Variants in MS4A1 observed in about 807,000 individuals in gnomAD.
MS4A1 encodes membrane spanning 4-domains A1.
A neutral mutation model predicts 26.5 loss-of-function variants in MS4A1; 16 were observed. The ratio of observed to expected loss-of-function variants is 0.60; its 90% confidence interval spans 0.41 to 0.92. The LOEUF (loss-of-function observed/expected upper bound fraction) is 0.92, where lower values mean the gene tolerates loss of function less well. Ranked by LOEUF, MS4A1 falls within the 40% of genes least tolerant of loss-of-function variation. The pLI is 0.00. For synonymous variants in MS4A1, 128 were observed against 117.6 expected, an observed-to-expected ratio of 1.09 and a Z score of -0.57; for missense variants, 350 against 353.0, an observed-to-expected ratio of 0.99 and a Z score of 0.07.
Position 60,465,989 on chromosome 11 carries a change from C to T in MS4A1, c.405C>T (p.Ile135=). The part of the protein sequence containing the change: ...FAAISGMILS[I]MDILNIKISH... Reference sequence around the variant, plus strand: ...CCATTTCTGGAATGATTCTTTCAATCATGGACATACTTAATATTAAAATTT... The same window carrying T: ...CCATTTCTGGAATGATTCTTTCAATTATGGACATACTTAATATTAAAATTT... Residue 135 remains isoleucine (I), a synonymous_variant, in exon 6 of 8, where the codon ATC becomes ATT. Transcript: ENST00000345732. 6.2e-7 allele frequency: 1 copy of T among 1,613,868 alleles called. No homozygotes were observed. The highest frequency in any genetic ancestry group is 8.5e-7 in the Non-Finnish European group (1 of 1,179,858).
At position 60,463,031 on chromosome 11, in the gene MS4A1, C is replaced by A; in HGVS notation, c.189C>A (p.His63Gln). Residue 63 changes from histidine (H) to glutamine (Q), a missense_variant, in exon 4 of 8, where the codon CAC (histidine) becomes CAA (glutamine). By Grantham distance (24) the His-to-Gln change is conservative. Transcript: ENST00000345732. ...GAVQIMNGLFHIALGGLLMIP... is the reference protein window; with the variant it reads ...GAVQIMNGLFQIALGGLLMIP... ...TCCAGATTATGAATGGGCTCTTCCA[C>A]ATTGCCCTGGGGGGTCTTCTGATGA... 6.2e-7 allele frequency: 1 copy of A among 1,614,134 alleles called. No homozygotes were observed. Among genetic ancestry groups the A allele is most frequent in the South Asian group, 1.1e-5 (1 of 91,080 alleles).
rs750004365 is a variant in MS4A1, at chr11:60,466,128, T to C, written c.544T>C (p.Tyr182His). Residue 182 changes from tyrosine (Y) to histidine (H), a missense_variant, in exon 6 of 8, where the codon TAC becomes CAC. Tyr to His is a moderately conservative substitution (Grantham distance 83). Transcript: ENST00000345732. ...PSEKNSPSTQ[Y>H]CYSIQSLFLG... The stretch of plus-strand genomic sequence containing the variant: ...TGAGAAAAACTCCCCATCTACCCAA[T>C]ACTGTTACAGCATACAATCTCTGTT... 3 of 1,612,012 alleles carry C rather than the reference T, an allele frequency of 1.9e-6. No homozygotes were observed. Among genetic ancestry groups the C allele is most frequent in the Admixed American group, 1.7e-5 (1 of 60,014 alleles).
At chr11:60,458,316 A>C (rs190716934) in intron 1 of MS4A1, 1 of 152,252 alleles carries the variant, frequency 6.6e-6, no homozygotes, top group Non-Finnish European at 1.5e-5. Flanking sequence ...ACAGTGAGGC[A>C]GTTTTTAAAC....
At chr11:60,462,578 T>G (rs1430207765) in intron 3 of MS4A1, 45 bp downstream of exon 3, 1 of 1,611,358 alleles carries the variant, frequency 6.2e-7, no homozygotes, top group Non-Finnish European at 8.5e-7. Flanking sequence ...ATTCTCTGGC[T>G]GACAGAAGCT....
rs201137473 is a variant in MS4A1, at chr11:60,464,275, C to T, written c.280-13C>T. 1 of 1,562,278 alleles carries T rather than the reference C, an allele frequency of 6.4e-7. No homozygotes were observed. The highest frequency in any genetic ancestry group is 8.7e-7 in the Non-Finnish European group (1 of 1,145,970). ...CACCCCCTCTCCATCTCCCCCACCT[C>T]TCTTTTTTACAGTATATTATTTCCG... On this transcript the variant is annotated splice_polypyrimidine_tract_variant and intron_variant, in intron 4 of 7. Coordinates refer to ENST00000345732, the MANE Select transcript of MS4A1 (RefSeq NM_152866.3).
intron 7 of MS4A1, 138 bp downstream of exon 7, chr11:60,467,198 T>C (rs2086299596): frequency 8.3e-6 from 6 of 726,014 alleles, no homozygotes; most frequent in South Asian, 7.9e-5. Context: ...TTGGCATATT[T>C]CTAGAAAGCA....
At position 60,464,286 on chromosome 11, in the gene MS4A1, A is replaced by G; in HGVS notation, c.280-2A>G. On this transcript the variant is annotated splice_acceptor_variant, in intron 4 of 7. Transcript: ENST00000345732. LOFTEE classifies it high-confidence loss of function. ...CATCTCCCCCACCTCTCTTTTTTACAGTATATTATTTCCGGATCACTCCTG... is the reference window on the plus strand; with the variant it reads ...CATCTCCCCCACCTCTCTTTTTTACGGTATATTATTTCCGGATCACTCCTG... 6.5e-7 allele frequency: 1 copy of G among 1,530,760 alleles called. No individual in the cohort carries two copies. The highest frequency in any genetic ancestry group is 8.8e-7 in the Non-Finnish European group (1 of 1,132,630). 94.8% of individuals were successfully genotyped at this position (1,530,760 alleles called of 1,614,324 possible). A position where few individuals can be genotyped will look rare whatever the true frequency, so the allele number is the denominator to read the frequency against.
At chr11:60,467,274 C>T (rs1283477236) in intron 7 of MS4A1, among the ~76,000 whole-genome samples, 6 of 145,220 alleles carry the variant, frequency 4.1e-5, no homozygotes, top group Admixed American at 2.0e-4. Flanking sequence ...ATATTCTGTG[C>T]GTCTTTTTTT....
chr11:60,464,424 A>G, intron 5 of MS4A1, 80 bp downstream of exon 5: 1 of 1,263,652 alleles, frequency 7.9e-7, no homozygotes, highest in Non-Finnish European at 1.2e-6. Flanking sequence ...ACCCTTAAAA[A>G]GCCAAGGTAT....
Position 60,468,526 on chromosome 11 carries a change from A to G in MS4A1, c.*58A>G. 1 of 1,515,914 alleles carries G rather than the reference A, an allele frequency of 6.6e-7. No homozygotes were observed. Among genetic ancestry groups the G allele is most frequent in the Non-Finnish European group, 9.1e-7 (1 of 1,096,798 alleles). The allele number at this position is 1,515,914 out of a possible 1,614,324, so 93.9% of individuals were successfully genotyped here. On this transcript the variant is annotated 3_prime_UTR_variant, in exon 8 of 8. Coordinates refer to ENST00000345732, the MANE Select transcript of MS4A1 (RefSeq NM_152866.3). ...AACATTAGTGTTCATAGCTTCCAAG[A>G]GACATGCTGACTTTCATTTCTTGAG...
rs2086313249 is a variant in MS4A1 at position 60,468,392 on chromosome 11, A to C, written c.818A>C (p.Glu273Ala). The C allele has an allele frequency of 1.2e-6, 2 of 1,614,104 alleles. No individual in the cohort carries two copies. Among genetic ancestry groups the C allele is most frequent in the South Asian group, 1.1e-5 (1 of 91,084 alleles). ...EIIPIQEEEE[E>A]ETETNFPEPP... ...ATTCCAATCCAAGAAGAGGAAGAAG[A>C]AGAAACAGAGACGAACTTTCCAGAA... Residue 273 changes from glutamate (E) to alanine (A), a missense_variant, in exon 8 of 8, where the codon GAA becomes GCA. Coordinates refer to ENST00000345732, the MANE Select transcript of MS4A1 (RefSeq NM_152866.3).
At chr11:60,467,787 G>A (rs2086306635) in intron 7 of MS4A1, among the ~76,000 whole-genome samples, 1 of 151,934 alleles carries the variant, frequency 6.6e-6, no homozygotes, top group African/African-American at 2.4e-5. Context: ...CCACAAATGG[G>A]AAATAAAAAC....
chr11:60,466,164 G>A lies in MS4A1; in HGVS notation c.573+7G>A. 3 of 1,592,230 alleles carry A rather than the reference G, an allele frequency of 1.9e-6. No homozygotes were observed. Among genetic ancestry groups the A allele is most frequent in the Non-Finnish European group, 2.6e-6 (3 of 1,160,236 alleles). On this transcript the variant is annotated splice_region_variant and intron_variant, in intron 6 of 7. Transcript: ENST00000345732. ...CATACAATCTCTGTTCTTGGTAAGT[G>A]TTCTTGGTAAGTGTGAGATTGGATT...
chr11:60,466,608 T>G (rs994754778), intron 6 of MS4A1: 5 of 345,936 alleles, frequency 1.4e-5, no homozygotes, highest in African/African-American at 1.1e-4. Flanking sequence ...CTCCCAAGGA[T>G]GAAGAGGTCT....
In MS4A1 at chr11:60,466,137, A is replaced by T. The variant is rs1292673417; in HGVS notation, c.553A>T (p.Ser185Cys). The change falls in exon 6 of 8, where the codon AGC becomes TGC. Residue 185 changes from serine to cysteine, a missense_variant. Physicochemically the swap from Ser to Cys is moderately radical, Grantham distance 112 (BLOSUM62 -1). Transcript: ENST00000345732. ...CTCCCCATCTACCCAATACTGTTAC[A>T]GCATACAATCTCTGTTCTTGGTAAG... is the stretch of plus-strand genomic sequence containing the variant. ...KNSPSTQYCY[S>C]IQSLFLGILS... 3.1e-6 allele frequency: 5 copies of T among 1,610,894 alleles called. No individual in the cohort carries two copies. The highest frequency in any genetic ancestry group is 4.2e-6 in the Non-Finnish European group (5 of 1,177,210).
At chr11:60,458,599 T>A (rs1375082860) in intron 1 of MS4A1, among the ~76,000 whole-genome samples, 1 of 152,224 alleles carries the variant, frequency 6.6e-6, no homozygotes, top group East Asian at 1.9e-4. Context: ...CCTACTAATC[T>A]ACCAACTAGT....
chr11:60,465,016 C>T (rs1477010145), intron 5 of MS4A1, among the ~76,000 whole-genome samples: 3 of 152,204 alleles, frequency 2.0e-5, no homozygotes, highest in Admixed American at 6.5e-5. Flanking sequence ...GTGTCACTTT[C>T]ATAATCAATG....
At chr11:60,467,447 T>A (rs930002806) in intron 7 of MS4A1, among the ~76,000 whole-genome samples, 2 of 151,960 alleles carry the variant, frequency 1.3e-5, no homozygotes, top group Non-Finnish European at 2.9e-5. Context: ...TGGCCAATTT[T>A]TGTATTTTTG....
rs1168232638 is a variant in MS4A1, at chr11:60,465,703, T to C, written c.337-218T>C. ...TAGAATTTTTGCTTTATAAAACAGA[T>C]GGATGGTGAATGAGATAGGGAAGAC... is the stretch of plus-strand genomic sequence containing the variant. On this transcript the variant is annotated intron_variant, in intron 5 of 7. Transcript: ENST00000345732. 6 of 554,182 alleles carry C rather than the reference T, an allele frequency of 1.1e-5. No homozygotes were observed. The Admixed American group carries it at 1.3e-4, about 12-fold the overall frequency. 34.3% of individuals were successfully genotyped at this position (554,182 alleles called of 1,614,324 possible).
Sources: allele counts gnomAD v4.1 joint callset (sites outside exome capture counted in the v4.1 genomes callset), GRCh38; gene constraint gnomAD v4.1.1; transcripts MANE v1.5; gene names NCBI Gene and HGNC (gene_info 2026-07-23, HGNC 2026-07-21).